Variants in PARD6B observed in about 807,000 individuals in gnomAD.
PARD6B encodes par-6 family cell polarity regulator beta.
Under a neutral mutation model 10.5 loss-of-function variants are expected in PARD6B, and 4 were observed. The ratio of observed to expected loss-of-function variants is 0.38; its 90% CI spans 0.19 to 0.87. PARD6B has a LOEUF of 0.87. PARD6B is among the 40% of genes least tolerant of loss of function. The probability of loss-of-function intolerance (pLI) is 0.41; values close to 1 mark genes in which losing one functional copy is unlikely to be tolerated. For synonymous variants in PARD6B, 169 were observed against 170.4 expected, an observed-to-expected ratio of 0.99 and a Z score of 0.07; for missense variants, 396 against 470.6, an observed-to-expected ratio of 0.84 and a Z score of 1.47.
Position 50,750,325 on chromosome 20 carries a change from C to T in PARD6B, c.956C>T (p.Ser319Leu). Reference sequence around the variant, plus strand: ...GTTCCTAATACTGAGAGCCTGGAGTCATTAACACAGATAGAGCTAAGCTTT... The same window carrying T: ...GTTCCTAATACTGAGAGCCTGGAGTTATTAACACAGATAGAGCTAAGCTTT... ...KAVPNTESLE[S>L]LTQIELSFES... Residue 319 changes from serine (S) to leucine (L), a missense_variant, in exon 3 of 3, where the codon TCA (serine) becomes TTA (leucine). By Grantham distance (145) the Ser-to-Leu change is moderately radical (BLOSUM62 -2). This residue lies in a region of PARD6B where 188 missense variants were observed against 169.7 expected (regional missense o/e 1.11). Coordinates refer to ENST00000371610, the MANE Select transcript of PARD6B (RefSeq NM_032521.3). 1 of 1,614,196 alleles carries T rather than the reference C, an allele frequency of 6.2e-7. No individual in the cohort carries two copies. Among genetic ancestry groups the T allele is most frequent in the Non-Finnish European group, 8.5e-7 (1 of 1,180,042 alleles).
chr20:50,739,573 T>C (rs1161825862), intron 2 of PARD6B, among the ~76,000 whole-genome samples: 3 of 152,216 alleles, frequency 2.0e-5, no homozygotes, highest in Non-Finnish European at 4.4e-5. Context: ...TATGTATCTT[T>C]GCTTTCCTGG....
In PARD6B at chr20:50,750,645, T is replaced by G; in HGVS notation, c.*157T>G. On this transcript the variant is annotated 3_prime_UTR_variant, in exon 3 of 3. Coordinates refer to ENST00000371610, the MANE Select transcript of PARD6B (RefSeq NM_032521.3). ...ATTATTAAAGTAGTAGTTTGATAAT[T>G]GTTAATATAAACTTTGGTGGATCAG... 1 of 1,409,610 alleles carries G rather than the reference T, an allele frequency of 7.1e-7. No homozygotes were observed. The allele number at this position is 1,409,610 out of a possible 1,614,324, so 87.3% of individuals were successfully genotyped here.
chr20:50,734,586 C>T (rs1452467032), intron 1 of PARD6B, among the ~76,000 whole-genome samples: 2 of 152,054 alleles, frequency 1.3e-5, no homozygotes, highest in Non-Finnish European at 2.9e-5. Flanking sequence ...TCTTGAACAC[C>T]TGAGCTCTAG....
intron 2 of PARD6B, among the ~76,000 whole-genome samples, chr20:50,746,076 T>C (rs1378081300): frequency 1.3e-5 from 2 of 152,154 alleles, no homozygotes; most frequent in Non-Finnish European, 2.9e-5. Flanking sequence ...GTTTTTTTTT[T>C]TTTCTAGATT....
intron 1 of PARD6B, among the ~76,000 whole-genome samples, chr20:50,734,822 C>T (rs372815327): frequency 6.6e-5 from 10 of 152,166 alleles, no homozygotes; most frequent in Non-Finnish European, 1.2e-4. Flanking sequence ...CACTGGGTTC[C>T]GGTCCATTTT....
intron 1 of PARD6B, among the ~76,000 whole-genome samples, chr20:50,734,339 G>C (rs1169841387): frequency 6.6e-6 from 1 of 151,980 alleles, no homozygotes; most frequent in Non-Finnish European, 1.5e-5. Context: ...ACCAAAACTA[G>C]GTAGTGTGCC....
intron 1 of PARD6B, among the ~76,000 whole-genome samples, 174 bp from the exon 2 acceptor site, chr20:50,737,683 G>A (rs901159957): frequency 6.6e-6 from 1 of 152,062 alleles, no homozygotes; most frequent in East Asian, 1.9e-4. Context: ...GCACATTCTT[G>A]TGCCTTTCTT....
rs1280499040 is a variant in PARD6B, at chr20:50,751,458, C to T, written c.*970C>T. The T allele has an allele frequency of 2.7e-6, 2 of 752,700 alleles. No homozygotes were observed. The highest frequency in any genetic ancestry group is 6.7e-5 in the Admixed American group (1 of 14,904). 46.6% of individuals were successfully genotyped at this position (752,700 alleles called of 1,614,324 possible). ...GCAAGCTCTACCTCCTGGGTTCACA[C>T]CATTCTCCTGCCTCAGCCTCCCAAG... On this transcript the variant is annotated 3_prime_UTR_variant, in exon 3 of 3. Transcript: ENST00000371610.
chr20:50,741,133 G>A (rs1429610147), intron 2 of PARD6B, among the ~76,000 whole-genome samples: 3 of 151,808 alleles, frequency 2.0e-5, no homozygotes, highest in Admixed American at 1.3e-4. Context: ...GCTAATTTTT[G>A]TATTTTTAGT....
chr20:50,742,799 G>A lies in PARD6B; in HGVS notation c.289+4720G>A, dbSNP rs181216502. Among the ~76,000 whole-genome samples the A allele has an allele frequency of 3.2e-3, 488 of 152,274 alleles. 2 individuals are homozygous for A. Among genetic ancestry groups the A allele is most frequent in the Non-Finnish European group, 5.3e-3 (358 of 68,020 alleles). The stretch of plus-strand genomic sequence containing the variant: ...AATTCAATGTGTAAACTACTTTATA[G>A]TCTGAAGTTTAAGATAGTGTTGTTG... On this transcript the variant is annotated intron_variant, in intron 2 of 2. Transcript: ENST00000371610.
intron 1 of PARD6B, among the ~76,000 whole-genome samples, chr20:50,733,590 C>CTA (rs35206987): frequency 0.3 from 46,249 of 152,024 alleles, 8,569 homozygotes; most frequent in East Asian, 0.64. Context: ...CTTGCTTGAG[C>CTA]TATAGCGTTA....
chr20:50,750,542 G>A lies in PARD6B; in HGVS notation c.*54G>A. The A allele has an allele frequency of 1.3e-6, 2 of 1,554,120 alleles. No individual in the cohort carries two copies. Among genetic ancestry groups the A allele is most frequent in the South Asian group, 1.2e-5 (1 of 81,498 alleles). ...GGATGCCATGAGGACTTGTACATTTGGCTAGTTTAAAAGCATATATACCTC... is the reference window on the plus strand; with the variant it reads ...GGATGCCATGAGGACTTGTACATTTAGCTAGTTTAAAAGCATATATACCTC... On this transcript the variant is annotated 3_prime_UTR_variant, in exon 3 of 3. Coordinates refer to ENST00000371610, the MANE Select transcript of PARD6B (RefSeq NM_032521.3).
At chr20:50,740,908 ACAGT>A (rs1236289825) in intron 2 of PARD6B, among the ~76,000 whole-genome samples, 3 of 151,194 alleles carry the variant, frequency 2.0e-5, no homozygotes, top group African/African-American at 4.9e-5. Flanking sequence ...CTCCCTCATC[ACAGT>A]CAGCCACACT....
rs761269572 is a variant in PARD6B, at chr20:50,750,069, A to G, written c.700A>G (p.Met234Val). 2 of 1,614,258 alleles carry G rather than the reference A, an allele frequency of 1.2e-6. No individual in the cohort carries two copies. The highest frequency in any genetic ancestry group is 3.3e-5 in the Admixed American group (2 of 60,032). ...SGKSLDQVTD[M>V]MIANSRNLII... The stretch of plus-strand genomic sequence containing the variant: ...GAAGAGCCTTGATCAAGTAACAGAC[A>G]TGATGATTGCAAATAGCCGTAACCT... Residue 234 changes from methionine (M) to valine (V), a missense_variant, in exon 3 of 3, where the codon ATG (methionine) becomes GTG (valine). Physicochemically the swap from Met to Val is conservative, Grantham distance 21. Transcript: ENST00000371610.
intron 2 of PARD6B, among the ~76,000 whole-genome samples, chr20:50,745,279 C>T (rs2087560439): frequency 6.6e-6 from 1 of 152,034 alleles, no homozygotes; most frequent in Admixed American, 6.6e-5. Flanking sequence ...CAAAAATTAG[C>T]CGGGCATGGT....
In PARD6B at chr20:50,752,890, C is replaced by T. The variant is rs1193180564; in HGVS notation, c.*2402C>T. The stretch of plus-strand genomic sequence containing the variant: ...ACGTTGTACTTTTTGTTGAATTCAC[C>T]GAAGTTCTTCCATTTATATGCTATT... On this transcript the variant is annotated 3_prime_UTR_variant, in exon 3 of 3. Transcript: ENST00000371610. 28 of 982,206 alleles carry T rather than the reference C, an allele frequency of 2.9e-5. No individual in the cohort carries two copies. Among genetic ancestry groups the T allele is most frequent in the Middle Eastern group, 5.2e-4 (1 of 1,928 alleles). 60.8% of individuals were successfully genotyped at this position (982,206 alleles called of 1,614,324 possible). A position where few individuals can be genotyped will look rare whatever the true frequency, so the allele number is the denominator to read the frequency against.
At chr20:50,742,255 A>G (rs937797592) in intron 2 of PARD6B, among the ~76,000 whole-genome samples, 1 of 151,770 alleles carries the variant, frequency 6.6e-6, no homozygotes, top group Admixed American at 6.6e-5. Context: ...TGTTGGCCAG[A>G]CTGTTCTCAA....
At position 50,753,090 on chromosome 20, in the gene PARD6B, G is replaced by A. The variant is rs1182232327; in HGVS notation, c.*2602G>A. On this transcript the variant is annotated 3_prime_UTR_variant, in exon 3 of 3. Coordinates refer to ENST00000371610, the MANE Select transcript of PARD6B (RefSeq NM_032521.3). ...CTACCTCTCTCTTTTTTTTTTTAAA[G>A]TTTTAACATCAGAACTTTTGGGGGA... 1.0e-6 allele frequency: 1 copy of A among 981,404 alleles called. No individual in the cohort carries two copies. The highest frequency in any genetic ancestry group is 1.2e-6 in the Non-Finnish European group (1 of 827,722). The allele number at this position is 981,404 out of a possible 1,614,324, so 60.8% of individuals were successfully genotyped here. A position where few individuals can be genotyped will look rare whatever the true frequency, so the allele number is the denominator to read the frequency against.
chr20:50,742,786 A>G (rs996906296), intron 2 of PARD6B, among the ~76,000 whole-genome samples: 2 of 152,236 alleles, frequency 1.3e-5, no homozygotes, highest in Admixed American at 1.3e-4. Context: ...TTCAATGTGT[A>G]AACTACTTTA....
Sources: gnomAD v4.1 joint callset for allele counts (sites outside exome capture counted in the v4.1 genomes callset) on GRCh38, gnomAD v4.1.1 for gene constraint, gnomAD v4.1.1 regional missense constraint, MANE v1.5 for transcripts, NCBI Gene and HGNC (gene_info 2026-07-23, HGNC 2026-07-21) for gene names.